The following CANX variants were observed in gnomAD, a reference collection of about 807,000 sequenced individuals.
CANX encodes epididymis secretory sperm binding protein.
CANX carries 14 observed loss-of-function variants against 75.7 expected under a neutral mutation model. The ratio of observed to expected loss-of-function variants is 0.19; its 90% confidence interval spans 0.12 to 0.29. The LOEUF (loss-of-function observed/expected upper bound fraction) is 0.29. CANX is among the 10% of genes least tolerant of loss of function. The pLI is 1.00. For synonymous variants in CANX, 227 were observed against 236.9 expected, an observed-to-expected ratio of 0.96 and a Z score of 0.38; for missense variants, 567 against 713.2, an observed-to-expected ratio of 0.79 and a Z score of 2.34.
At chr5:179,725,385 T>TA (rs1011747502) in intron 13 of CANX, among the ~76,000 whole-genome samples, 3 of 150,930 alleles carry the variant, frequency 2.0e-5, no homozygotes, top group East Asian at 2.0e-4. Context: ...TCCTGTCTCT[T>TA]AAAAAAAAAT....
intron 14 of CANX, among the ~76,000 whole-genome samples, chr5:179,727,348 G>T (rs1302891417): frequency 6.6e-6 from 1 of 152,204 alleles, no homozygotes; most frequent in East Asian, 1.9e-4. Flanking sequence ...AACAGGAAAA[G>T]ATACTAAAAG....
intron 1 of CANX, among the ~76,000 whole-genome samples, chr5:179,692,993 A>G (rs113172261): frequency 0.01 from 1,557 of 152,128 alleles, 41 homozygotes; most frequent in African/African-American, 0.035. Flanking sequence ...AAAAATACAA[A>G]AAATTAGCCG....
Position 179,699,076 on chromosome 5 carries a change from A to C in CANX, c.-30A>C, listed in dbSNP as rs1293004299. 3.7e-6 allele frequency: 4 copies of C among 1,082,138 alleles called. No individual in the cohort carries two copies. The African/African-American group carries it at 6.9e-5, about 19-fold the overall frequency. The allele number at this position is 1,082,138 out of a possible 1,614,324, so 67.0% of individuals were successfully genotyped here. ...TGTGCGGGCGGGAAGGGGCACGGGC[A>C]CCCCCGCGGTCCCCGGGAGGCTAGA... On this transcript the variant is annotated 5_prime_UTR_variant, in exon 1 of 15. Coordinates refer to ENST00000247461, the MANE Select transcript of CANX (RefSeq NM_001746.4).
chr5:179,698,566 G>A (rs999113600), upstream of CANX: 4 of 1,289,424 alleles, frequency 3.1e-6, no homozygotes, highest in Admixed American at 6.9e-5. Context: ...CGAAGGGCGC[G>A]CGATGCGTCC....
chr5:179,726,409 T>C (rs1033648305), intron 13 of CANX, among the ~76,000 whole-genome samples: 3 of 151,846 alleles, frequency 2.0e-5, no homozygotes, highest in Non-Finnish European at 4.4e-5. Context: ...ACCCCGTCTC[T>C]ACTAAAAATA....
intron 1 of CANX, among the ~76,000 whole-genome samples, chr5:179,691,828 A>C (rs1223826997): frequency 6.6e-6 from 1 of 152,056 alleles, no homozygotes; most frequent in Non-Finnish European, 1.5e-5. Context: ...CCCAGGCTGG[A>C]GTGCAGTGGC....
At chr5:179,726,540 C>G (rs2113287032) in intron 13 of CANX, 140 bp from the exon 14 acceptor site, 1 of 560,060 alleles carries the variant, frequency 1.8e-6, no homozygotes, top group African/African-American at 1.9e-5. Context: ...CGCGCCACTG[C>G]ACTCCAGCCT....
intron 7 of CANX, among the ~76,000 whole-genome samples, chr5:179,713,194 G>A (rs1014365776): frequency 4.0e-5 from 6 of 151,718 alleles, no homozygotes; most frequent in African/African-American, 1.2e-4. Flanking sequence ...TGATTCTCCC[G>A]TCTCAGCCTC....
rs1051032114 is a variant in CANX, at chr5:179,705,709, T to C, written c.28T>C (p.Leu10=). Residue 10 remains leucine (L), a synonymous_variant, in exon 2 of 15, where the codon TTA becomes CTA. Coordinates refer to ENST00000247461, the MANE Select transcript of CANX (RefSeq NM_001746.4). ...GGAAGGGAAGTGGTTGCTGTGTATG[T>C]TACTGGTGCTTGGAACTGCTATTGT... The part of the protein sequence containing the change: MEGKWLLCM[L]LVLGTAIVEA... The C allele has an allele frequency of 2.5e-6, 4 of 1,612,966 alleles. No homozygotes were observed. Among genetic ancestry groups the C allele is most frequent in the Middle Eastern group, 1.6e-4 (1 of 6,062 alleles).
At chr5:179,719,536 A>G (rs1233765843) in intron 8 of CANX, 132 bp from the exon 9 acceptor site, 2 of 513,102 alleles carry the variant, frequency 3.9e-6, no homozygotes, top group East Asian at 3.1e-5. Context: ...ATTTACAAGT[A>G]TTTTCTAAGA....
chr5:179,698,414 A>G (rs1000402588), upstream of CANX: 3 of 1,263,608 alleles, frequency 2.4e-6, no homozygotes, highest in African/African-American at 3.1e-5. Context: ...CACAGCGCGG[A>G]GCAGTGCACG....
At chr5:179,684,926 A>ATTTTTTTTTTTTTTTTTTTT (rs71001039) in intron 1 of CANX, among the ~76,000 whole-genome samples, 16 of 49,146 alleles carry the variant, frequency 3.3e-4, no homozygotes, top group South Asian at 2.3e-3. Context: ...CTAATTTTGT[A>ATTTTTTTTTTTTTTTTTTTT]TTTTTTTTTT....
chr5:179,713,378 T>G (rs191958668), intron 7 of CANX, among the ~76,000 whole-genome samples: 1 of 152,172 alleles, frequency 6.6e-6, no homozygotes, highest in Admixed American at 6.6e-5. Flanking sequence ...AGCTTAACCT[T>G]TTTTTGTTAT....
At position 179,719,677 on chromosome 5, in the gene CANX, T is replaced by C. The variant is rs753403529; in HGVS notation, c.921T>C (p.Asp307=). The C allele has an allele frequency of 6.2e-7, 1 of 1,604,040 alleles. No individual in the cohort carries two copies. The highest frequency in any genetic ancestry group is 8.5e-7 in the Non-Finnish European group (1 of 1,171,918). ...EAVKPDDWDE[D]APAKIPDEEA... is the part of the protein sequence containing the mutation. Reference sequence around the variant, plus strand: ...TTCTTTTGTATTTAAGGGATGAAGATGCCCCTGCTAAGATTCCAGATGAAG... The same window carrying C: ...TTCTTTTGTATTTAAGGGATGAAGACGCCCCTGCTAAGATTCCAGATGAAG... Residue 307 remains aspartate, a synonymous_variant, in exon 9 of 15, where the codon GAT becomes GAC. Transcript: ENST00000247461.
chr5:179,724,900 C>G lies in CANX; in HGVS notation c.1645+117C>G. 1.4e-6 allele frequency: 2 copies of G among 1,381,182 alleles called. 1 individual carries two copies. The highest frequency in any genetic ancestry group is 3.0e-5 in the South Asian group (2 of 66,316). The allele number at this position is 1,381,182 out of a possible 1,614,324, so 85.6% of individuals were successfully genotyped here. A position where few individuals can be genotyped will look rare whatever the true frequency, so the allele number is the denominator to read the frequency against. On this transcript the variant is annotated intron_variant, in intron 13 of 14. Transcript: ENST00000247461. ...GGCGTGGTGGCTCAAGCCTGTAATC[C>G]TAGCACTTTGGGAGGTTGAAGCAGG... is the stretch of plus-strand genomic sequence containing the variant.
upstream of CANX, among the ~76,000 whole-genome samples, chr5:179,697,355 G>A (rs960305136): frequency 5.3e-5 from 8 of 152,070 alleles, no homozygotes; most frequent in African/African-American, 1.7e-4. Flanking sequence ...GAGCCACCTC[G>A]CCCAGCCAAT....
At position 179,728,615 on chromosome 5, in the gene CANX, C is replaced by A; in HGVS notation, c.1750C>A (p.Pro584Thr). 3.1e-6 allele frequency: 5 copies of A among 1,606,522 alleles called. No homozygotes were observed. The highest frequency in any genetic ancestry group is 4.3e-6 in the Non-Finnish European group (5 of 1,173,252). Residue 584 changes from proline to threonine, a missense_variant, in exon 15 of 15, where the codon CCA becomes ACA. By Grantham distance (38) the Pro-to-Thr change is conservative. Coordinates refer to ENST00000247461, the MANE Select transcript of CANX (RefSeq NM_001746.4). ...AEEDEILNRS[P>T]RNRKPRRE ...GGAGGATGAAATTTTGAACAGATCACCAAGAAACAGAAAGCCACGAAGAGA... is the reference window on the plus strand; with the variant it reads ...GGAGGATGAAATTTTGAACAGATCAACAAGAAACAGAAAGCCACGAAGAGA...
At chr5:179,718,971 A>G (rs1355542378) in intron 8 of CANX, among the ~76,000 whole-genome samples, 2 of 133,606 alleles carry the variant, frequency 1.5e-5, no homozygotes, top group Non-Finnish European at 3.2e-5. Context: ...GGCCTTGTGT[A>G]TTTTTTTTTT....
chr5:179,713,577 AT>A (rs1166784711), intron 7 of CANX, among the ~76,000 whole-genome samples: 2 of 152,168 alleles, frequency 1.3e-5, no homozygotes, highest in Non-Finnish European at 2.9e-5. Context: ...TTTATGGTGT[AT>A]TTCAGAAGAG....
Sources: gnomAD v4.1 joint callset for allele counts (sites outside exome capture counted in the v4.1 genomes callset) on GRCh38, gnomAD v4.1.1 for gene constraint, MANE v1.5 for transcripts, NCBI Gene and HGNC (gene_info 2026-07-23, HGNC 2026-07-21) for gene names.